Variants in MCM9 observed in about 807,000 individuals in gnomAD.
MCM9 encodes the protein DNA helicase MCM9.
MCM9 carries 55 observed loss-of-function variants against 72.8 expected under a neutral mutation model. The ratio of observed to expected loss-of-function variants is 0.76; its 90% confidence interval spans 0.61 to 0.95. The LOEUF (loss-of-function observed/expected upper bound fraction) is 0.95. Ranked by LOEUF, MCM9 falls within the 40% of genes least tolerant of loss-of-function variation. MCM9 has a pLI of 0.00. For synonymous variants in MCM9, 480 were observed against 503.4 expected (o/e 0.95, Z 0.62); for missense variants, 1,279 against 1,377.0 (o/e 0.93, Z 1.13).
chr6:118,849,204 C>A (rs1776074301), intron 9 of MCM9, among the ~76,000 whole-genome samples: 1 of 151,564 alleles, frequency 6.6e-6, no homozygotes, highest in African/African-American at 2.4e-5. Context: ...CTGATATAGG[C>A]AAGGTAAAAT....
intron 13 of MCM9, among the ~76,000 whole-genome samples, chr6:118,820,449 T>G (rs1221611035): frequency 6.6e-6 from 1 of 152,246 alleles, no homozygotes; most frequent in Non-Finnish European, 1.5e-5. Flanking sequence ...AGTTTCTTAA[T>G]CCTGAGTTCT....
chr6:118,887,692 C>A (rs1048244200), intron 8 of MCM9, among the ~76,000 whole-genome samples: 1 of 151,888 alleles, frequency 6.6e-6, no homozygotes, highest in African/African-American at 2.4e-5. Context: ...AAAAGATAAT[C>A]CAAACAACTA....
chr6:118,924,142 A>G lies in MCM9; in HGVS notation c.305-15T>C. ...GACAGGCAAACCTGATGGAGAAAAC[A>G]AAAAAACAGCATCAACTTCAATCTT... On this transcript the variant is annotated splice_polypyrimidine_tract_variant and intron_variant, in intron 3 of 13. Transcript: ENST00000619706. 6.2e-7 allele frequency: 1 copy of G among 1,600,230 alleles called. No homozygotes were observed. The highest frequency in any genetic ancestry group is 8.5e-7 in the Non-Finnish European group (1 of 1,171,080).
intron 8 of MCM9, among the ~76,000 whole-genome samples, chr6:118,876,630 A>C (rs1417032599): frequency 6.6e-6 from 1 of 152,226 alleles, no homozygotes; most frequent in Admixed American, 6.5e-5. Flanking sequence ...AAGGCACAGT[A>C]CTCAAAGAAA....
intron 8 of MCM9, among the ~76,000 whole-genome samples, chr6:118,897,133 A>G (rs1779476066): frequency 6.6e-6 from 1 of 152,128 alleles, no homozygotes; most frequent in Non-Finnish European, 1.5e-5. Context: ...CACTGCACCC[A>G]GCCCAAACTA....
At chr6:118,903,099 T>C (rs975482781) in intron 8 of MCM9, among the ~76,000 whole-genome samples, 11 of 151,802 alleles carry the variant, frequency 7.2e-5, no homozygotes, top group African/African-American at 2.7e-4. Flanking sequence ...AGATGTTTTA[T>C]ATTTACAACA....
At chr6:118,924,474 T>A (rs62422260) in intron 3 of MCM9, among the ~76,000 whole-genome samples, 119 of 152,292 alleles carry the variant, frequency 7.8e-4, no homozygotes, top group African/African-American at 2.8e-3. Flanking sequence ...TTTAACGGCA[T>A]TTAACAAAAA....
At chr6:118,844,504 T>G (rs1364503718) in intron 9 of MCM9, among the ~76,000 whole-genome samples, 2 of 151,690 alleles carry the variant, frequency 1.3e-5, no homozygotes, top group Non-Finnish European at 2.9e-5. Flanking sequence ...TCTTGTACCT[T>G]TCTGTAAGTG....
intron 9 of MCM9, among the ~76,000 whole-genome samples, chr6:118,848,613 T>C (rs1317451912): frequency 6.6e-6 from 1 of 151,880 alleles, no homozygotes; most frequent in Non-Finnish European, 1.5e-5. Flanking sequence ...AGAAAAAGTT[T>C]GCCAACCCCT....
chr6:118,852,151 G>A (rs1776270442), intron 9 of MCM9, among the ~76,000 whole-genome samples: 2 of 152,112 alleles, frequency 1.3e-5, no homozygotes, highest in African/African-American at 2.4e-5. Context: ...TAACACAAAG[G>A]CATGTATTTG....
chr6:118,829,222 T>C lies in MCM9; in HGVS notation c.1354A>G (p.Thr452Ala). The change falls in exon 10 of 14, where the codon ACC becomes GCC. Residue 452 changes from threonine (T) to alanine (A), a missense_variant. Transcript: ENST00000619706. ...GLVCKLNTRT[T>A]ILAATNPKGQ... is the part of the protein sequence containing the mutation. ...TTGGGGTTCGTTGCTGCCAGGATGG[T>C]GGTCCTTGTGTTCAGCTTGCACACG... 1 of 1,550,270 alleles carries C rather than the reference T, an allele frequency of 6.5e-7. No individual in the cohort carries two copies. Among genetic ancestry groups the C allele is most frequent in the Non-Finnish European group, 8.7e-7 (1 of 1,146,592 alleles).
intron 9 of MCM9, among the ~76,000 whole-genome samples, chr6:118,840,517 A>T (rs1485019635): frequency 1.3e-5 from 2 of 152,276 alleles, no homozygotes; most frequent in Non-Finnish European, 2.9e-5. Context: ...CATCAAAGGA[A>T]TCAGGCCAGA....
chr6:118,887,434 T>C (rs574544554), intron 8 of MCM9, among the ~76,000 whole-genome samples: 2 of 152,284 alleles, frequency 1.3e-5, no homozygotes, highest in Admixed American at 1.3e-4. Flanking sequence ...CATGCAAAAG[T>C]ATGAATTTGG....
intron 8 of MCM9, among the ~76,000 whole-genome samples, chr6:118,876,375 T>C (rs1373870707): frequency 6.6e-6 from 1 of 152,162 alleles, no homozygotes; most frequent in Non-Finnish European, 1.5e-5. Flanking sequence ...CTAATGTAAA[T>C]AATAGAATTT....
chr6:118,895,151 C>T (rs1324275193), intron 8 of MCM9, among the ~76,000 whole-genome samples: 3 of 152,020 alleles, frequency 2.0e-5, no homozygotes, highest in Non-Finnish European at 2.9e-5. Flanking sequence ...TTTCTGGCTT[C>T]CTCGACCAAC....
At chr6:118,894,051 C>T in intron 8 of MCM9, 1 of 1,053,580 alleles carries the variant, frequency 9.5e-7, no homozygotes, top group Non-Finnish European at 1.1e-6. Context: ...TTGTCCTAAT[C>T]CACACCAGCA....
intron 9 of MCM9, among the ~76,000 whole-genome samples, chr6:118,839,655 G>A (rs1233949018): frequency 6.6e-6 from 1 of 152,150 alleles, no homozygotes; most frequent in Non-Finnish European, 1.5e-5. Flanking sequence ...CTTTCTGTTT[G>A]TTATCTCTCC....
At chr6:118,822,622 G>C (rs142377317) in intron 13 of MCM9, among the ~76,000 whole-genome samples, 12 of 152,298 alleles carry the variant, frequency 7.9e-5, no homozygotes, top group South Asian at 2.1e-4. Context: ...GAAGCAGTCT[G>C]TCCCTTAGCA....
At chr6:118,833,519 G>A (rs757353510) in intron 9 of MCM9, among the ~76,000 whole-genome samples, 4 of 152,110 alleles carry the variant, frequency 2.6e-5, no homozygotes, top group Non-Finnish European at 5.9e-5. Flanking sequence ...GCTGAGAGGC[G>A]GAGAAAATCC....
Sources: gnomAD v4.1 joint callset for allele counts (sites outside exome capture counted in the v4.1 genomes callset) on GRCh38, gnomAD v4.1.1 for gene constraint, MANE v1.5 for transcripts, NCBI Gene and HGNC (gene_info 2026-07-23, HGNC 2026-07-21) for gene names.